PGGT1B: variants seen among roughly 807,000 people sequenced by gnomAD.
PGGT1B encodes the protein protein geranylgeranyltransferase type I subunit beta.
PGGT1B carries 30 observed loss-of-function variants against 46.1 expected under a neutral mutation model. That is an observed-to-expected ratio of 0.65 (90% confidence interval 0.49 to 0.88). The LOEUF (loss-of-function observed/expected upper bound fraction) is 0.88, where lower values mean the gene tolerates loss of function less well. PGGT1B is among the 40% of genes least tolerant of loss of function. PGGT1B has a pLI of 0.00. For missense variants in PGGT1B, 376 were observed against 455.9 expected (o/e 0.82, Z 1.60); for synonymous variants, 170 against 160.0 (o/e 1.06, Z -0.47).
chr5:115,245,229 T>A (rs1747777056), intron 2 of PGGT1B, among the ~76,000 whole-genome samples: 1 of 152,214 alleles, frequency 6.6e-6, no homozygotes, highest in Non-Finnish European at 1.5e-5. Flanking sequence ...TAGTAGTGGC[T>A]CAATAAAATA....
chr5:115,237,959 G>A lies in PGGT1B; in HGVS notation c.378C>T (p.Tyr126=). ...GAATAACTAAGCATGAGAGGCCAGT[G>A]TAGGTCATTGCAATGTGGCCACTAT... ...PYDSGHIAMT[Y]TGLSCLVILG... is the part of the protein sequence containing the mutation. The change falls in exon 4 of 9, where the codon TAC becomes TAT. Residue 126 remains tyrosine (Y), a synonymous_variant. Coordinates refer to ENST00000419445, the MANE Select transcript of PGGT1B (RefSeq NM_005023.4). The A allele has an allele frequency of 6.2e-7, 1 of 1,612,230 alleles. No homozygotes were observed. The highest frequency in any genetic ancestry group is 1.1e-5 in the South Asian group (1 of 90,908).
At chr5:115,247,828 G>T (rs1335206522) in intron 2 of PGGT1B, among the ~76,000 whole-genome samples, 1 of 152,140 alleles carries the variant, frequency 6.6e-6, no homozygotes, top group African/African-American at 2.4e-5. Flanking sequence ...AGCAAATTGA[G>T]AATTCAGAAT....
At chr5:115,238,522 T>C (rs1757257266) in intron 3 of PGGT1B, among the ~76,000 whole-genome samples, 1 of 151,900 alleles carries the variant, frequency 6.6e-6, no homozygotes, top group East Asian at 1.9e-4. Flanking sequence ...AATTTAAGTC[T>C]TATAAAGTCA....
At chr5:115,229,652 C>T (rs1756916570) in intron 6 of PGGT1B, among the ~76,000 whole-genome samples, 1 of 152,106 alleles carries the variant, frequency 6.6e-6, no homozygotes, top group Admixed American at 6.6e-5. Flanking sequence ...TGAGGTGACT[C>T]CTTAGCCAGA....
chr5:115,205,936 TTAATCAGTGCCTCA>T lies in PGGT1B; in HGVS notation c.*6452_*6465del, dbSNP rs1293543682. 6.6e-6 allele frequency: 1 copy of T among 150,944 alleles called. No individual in the cohort carries two copies. 9.4% of individuals were successfully genotyped at this position (150,944 alleles called of 1,614,324 possible). On this transcript the variant is annotated 3_prime_UTR_variant, in exon 9 of 9. Transcript: ENST00000419445. ...GTAGTTGTGAAAAATAAGGCACTGATTAATCAGTGCCTCATTTGCCATTAAAATGGTAAAAAGTG... is the reference window on the plus strand; with the variant it reads ...GTAGTTGTGAAAAATAAGGCACTGATTTTGCCATTAAAATGGTAAAAAGTG...
chr5:115,258,306 T>G (rs1748409253), intron 1 of PGGT1B, among the ~76,000 whole-genome samples: 1 of 152,228 alleles, frequency 6.6e-6, no homozygotes, highest in Non-Finnish European at 1.5e-5. Context: ...CTTCTTTTTC[T>G]TCATCCCCTC....
chr5:115,258,779 T>A (rs1005992036), intron 1 of PGGT1B, among the ~76,000 whole-genome samples: 35 of 152,350 alleles, frequency 2.3e-4, no homozygotes, highest in Admixed American at 1.8e-3. Flanking sequence ...TCACAATCAT[T>A]TTGTCTAGTC....
At chr5:115,237,832 A>G in intron 4 of PGGT1B, 26 bp downstream of exon 4, 1 of 1,593,538 alleles carries the variant, frequency 6.3e-7, no homozygotes, top group Non-Finnish European at 8.5e-7. Context: ...TTTATTACAA[A>G]AAAAGTAACA....
intron 6 of PGGT1B, 84 bp from the exon 7 acceptor site, chr5:115,222,092 G>A: frequency 1.4e-6 from 1 of 717,190 alleles, no homozygotes; most frequent in South Asian, 3.8e-5. Flanking sequence ...GGAAAAAGTG[G>A]TTATATAATT....
chr5:115,217,425 G>GA (rs1349505837), intron 7 of PGGT1B, among the ~76,000 whole-genome samples: 1 of 151,924 alleles, frequency 6.6e-6, no homozygotes, highest in Non-Finnish European at 1.5e-5. Flanking sequence ...AGACAGTTTT[G>GA]AAAATAGTAA....
At chr5:115,217,264 A>G (rs1756448716) in intron 7 of PGGT1B, among the ~76,000 whole-genome samples, 1 of 151,844 alleles carries the variant, frequency 6.6e-6, no homozygotes, top group Admixed American at 6.6e-5. Flanking sequence ...TCCACTCAAC[A>G]TAATCAGTCA....
intron 4 of PGGT1B, among the ~76,000 whole-genome samples, chr5:115,236,845 G>A (rs1000515851): frequency 6.6e-6 from 1 of 152,112 alleles, no homozygotes; most frequent in Non-Finnish European, 1.5e-5. Context: ...CAGTATACTG[G>A]CTTGAGAATG....
intron 2 of PGGT1B, among the ~76,000 whole-genome samples, chr5:115,251,525 G>T (rs929420490): frequency 2.6e-5 from 4 of 151,924 alleles, no homozygotes; most frequent in African/African-American, 9.7e-5. Context: ...CCTTAATAGT[G>T]GGGGGAAATA....
chr5:115,237,442 T>C (rs1400804162), intron 4 of PGGT1B, among the ~76,000 whole-genome samples: 2 of 152,196 alleles, frequency 1.3e-5, no homozygotes, highest in African/African-American at 4.8e-5. Context: ...AAAAATGTCA[T>C]GGAAACTACC....
In PGGT1B at chr5:115,221,894, T is replaced by C. The variant is rs1756600337; in HGVS notation, c.773A>G (p.Asn258Ser). The C allele has an allele frequency of 2.5e-6, 4 of 1,610,576 alleles. No individual in the cohort carries two copies. The East Asian group carries it at 6.7e-5, about 27-fold the overall frequency. Residue 258 changes from asparagine to serine, a missense_variant, in exon 7 of 9, where the codon AAT (asparagine) becomes AGT (serine). Around this residue, in one of 2 missense-constraint regions of PGGT1B, gnomAD observed 222 missense variants for 313.6 expected, o/e 0.71. Coordinates refer to ENST00000419445, the MANE Select transcript of PGGT1B (RefSeq NM_005023.4). ...CTTATTAGGTCTTCCATGATAACCA[T>C]TTTGTTGCCTCATTATACACCACCT... ...IKRWCIMRQQNGYHGRPNKPV... is the reference protein window; with the variant it reads ...IKRWCIMRQQSGYHGRPNKPV...
intron 3 of PGGT1B, 66 bp downstream of exon 3, chr5:115,241,473 A>G (rs1757342668): frequency 1.1e-6 from 1 of 946,626 alleles, no homozygotes; most frequent in Non-Finnish European, 1.6e-6. Context: ...GTAACTTCTT[A>G]GTTTTCTCTT....
chr5:115,249,429 G>A (rs111437688), intron 2 of PGGT1B, among the ~76,000 whole-genome samples: 2,037 of 152,228 alleles, frequency 0.013, 48 homozygotes, highest in African/African-American at 0.046. Flanking sequence ...TCCCTGACGC[G>A]GGTGGCCCCT....
At chr5:115,258,011 T>C (rs938605852) in intron 1 of PGGT1B, among the ~76,000 whole-genome samples, 1 of 152,252 alleles carries the variant, frequency 6.6e-6, no homozygotes, top group African/African-American at 2.4e-5. Flanking sequence ...TATTTTTCAA[T>C]GGCTGATTCA....
chr5:115,237,834 A>G, intron 4 of PGGT1B, 24 bp downstream of exon 4: 1 of 1,594,166 alleles, frequency 6.3e-7, no homozygotes, highest in Non-Finnish European at 8.5e-7. Context: ...TATTACAAAA[A>G]AAGTAACAAA....
Sources: gnomAD v4.1 joint callset for allele counts (sites outside exome capture counted in the v4.1 genomes callset) on GRCh38, gnomAD v4.1.1 for gene constraint, gnomAD v4.1.1 regional missense constraint, MANE v1.5 for transcripts, NCBI Gene and HGNC (gene_info 2026-07-23, HGNC 2026-07-21) for gene names.